Variants in MAP6 observed in about 807,000 individuals in gnomAD.
MAP6 encodes the protein microtubule associated protein 6.
MAP6 carries 26 observed loss-of-function variants against 42.4 expected under a neutral mutation model. That is an observed-to-expected ratio of 0.61 (90% confidence interval 0.45 to 0.85). The LOEUF is 0.85. Among genes scored for constraint, MAP6 ranks in the 40% least tolerant of loss-of-function variants. The pLI is 0.00. For missense variants in MAP6, 966 were observed against 1,099.0 expected, an observed-to-expected ratio of 0.88 and a Z score of 1.71; for synonymous variants, 418 against 443.8, an observed-to-expected ratio of 0.94 and a Z score of 0.73.
intron 2 of MAP6, among the ~76,000 whole-genome samples, 192 bp from the exon 3 acceptor site, chr11:75,606,196 G>A (rs189110767): frequency 8.5e-5 from 13 of 152,284 alleles, no homozygotes; most frequent in Admixed American, 5.9e-4. Flanking sequence ...TCCCTGTTCC[G>A]TCACTTTGGC....
chr11:75,598,390 G>A lies in MAP6; in HGVS notation c.1316+7418C>T, dbSNP rs375619315. 3.3e-5 allele frequency among the ~76,000 whole-genome samples: 5 copies of A among 152,184 alleles called. No homozygotes were observed. In the East Asian group the frequency reaches 5.8e-4, roughly 18 times the overall value. ...CCTAGAGTTAGGAGCCCTGAACTGAGCAGGGAGTGAGATTGGCCAACCTCT... is the reference window on the plus strand; with the variant it reads ...CCTAGAGTTAGGAGCCCTGAACTGAACAGGGAGTGAGATTGGCCAACCTCT... On this transcript the variant is annotated intron_variant, in intron 3 of 3. Transcript: ENST00000304771.
chr11:75,645,900 G>A (rs1325768588), intron 1 of MAP6, among the ~76,000 whole-genome samples: 2 of 151,808 alleles, frequency 1.3e-5, no homozygotes, highest in Non-Finnish European at 2.9e-5. Flanking sequence ...GTTTAAAGAC[G>A]AGGAGGATAT....
intron 1 of MAP6, among the ~76,000 whole-genome samples, chr11:75,657,148 G>C (rs111304044): frequency 1.3e-3 from 186 of 140,454 alleles, no homozygotes; most frequent in African/African-American, 4.3e-3. Context: ...GTCTCGCTCT[G>C]TCGCCAGGCT....
intron 2 of MAP6, among the ~76,000 whole-genome samples, chr11:75,606,674 T>A (rs1008781355): frequency 1.3e-5 from 2 of 152,220 alleles, no homozygotes; most frequent in African/African-American, 4.8e-5. Flanking sequence ...CTCGCTGAGA[T>A]GCTTTGGGCA....
intron 3 of MAP6, chr11:75,603,578 G>T: frequency 1.1e-6 from 1 of 911,150 alleles, no homozygotes; most frequent in Non-Finnish European, 1.3e-6. Context: ...TAGGAAGTTG[G>T]TCCCTGGGGC....
chr11:75,640,583 A>C (rs1279024818), intron 1 of MAP6, among the ~76,000 whole-genome samples: 1 of 152,228 alleles, frequency 6.6e-6, no homozygotes, highest in South Asian at 2.1e-4. Flanking sequence ...CAATCTACTC[A>C]TCTGACAAAG....
At chr11:75,654,825 AC>A (rs1388109414) in intron 1 of MAP6, among the ~76,000 whole-genome samples, 1 of 152,156 alleles carries the variant, frequency 6.6e-6, no homozygotes, top group Non-Finnish European at 1.5e-5. Flanking sequence ...AAAAATAAAG[AC>A]TTTCCCAAGG....
chr11:75,660,622 C>T (rs1457163254), intron 1 of MAP6, among the ~76,000 whole-genome samples: 1 of 152,172 alleles, frequency 6.6e-6, no homozygotes, highest in African/African-American at 2.4e-5. Context: ...AAGGCTTTGT[C>T]ATTTTCTCCA....
intron 1 of MAP6, among the ~76,000 whole-genome samples, chr11:75,634,198 A>T (rs528388145): frequency 7.9e-4 from 120 of 152,380 alleles, no homozygotes; most frequent in Non-Finnish European, 1.5e-3. Context: ...GAGCGTTAAG[A>T]GCACATAAAT....
Position 75,667,834 on chromosome 11 carries a change from T to G in MAP6, c.536A>C (p.Gln179Pro), listed in dbSNP as rs752629392. The G allele has an allele frequency of 7.2e-7, 1 of 1,384,248 alleles. No homozygotes were observed. The highest frequency in any genetic ancestry group is 1.5e-5 in the African/African-American group (1 of 66,622). 85.7% of individuals were successfully genotyped at this position (1,384,248 alleles called of 1,614,324 possible). A position where few individuals can be genotyped will look rare whatever the true frequency, so the allele number is the denominator to read the frequency against. ...CGACGCCTGGGAGGCCGCAGAGATCTGCACGGGCTTGGGGATCCACGGGTG... is the reference window on the plus strand; with the variant it reads ...CGACGCCTGGGAGGCCGCAGAGATCGGCACGGGCTTGGGGATCCACGGGTG... ...GDHPWIPKPV[Q>P]ISAASQASAP... is the part of the protein sequence containing the mutation. Residue 179 changes from glutamine (Q) to proline (P), a missense_variant, in exon 1 of 4, where the codon CAG (glutamine) becomes CCG (proline). By Grantham distance (76) the Gln-to-Pro change is moderately conservative. Around this residue, in one of 2 missense-constraint regions of MAP6, gnomAD observed 943 missense variants for 1,049.9 expected, o/e 0.90. Transcript: ENST00000304771. The surrounding 1 kb of genome is among the most constrained non-coding windows in gnomAD (Gnocchi z 5.6).
chr11:75,640,811 G>A (rs1293130534), intron 1 of MAP6, among the ~76,000 whole-genome samples: 10 of 152,114 alleles, frequency 6.6e-5, no homozygotes, highest in Non-Finnish European at 1.0e-4. Flanking sequence ...TTAGAATGGC[G>A]ATCATTAAAA....
At chr11:75,636,355 A>G (rs570087919) in intron 1 of MAP6, among the ~76,000 whole-genome samples, 4 of 151,906 alleles carry the variant, frequency 2.6e-5, no homozygotes, top group African/African-American at 9.7e-5. Flanking sequence ...ACTTGAAATA[A>G]TCTCTTCCTC....
intron 1 of MAP6, among the ~76,000 whole-genome samples, chr11:75,638,203 G>A (rs1335942353): frequency 6.6e-6 from 1 of 152,140 alleles, no homozygotes; most frequent in East Asian, 1.9e-4. Context: ...CAATCCTGGT[G>A]GCTGTTACCA....
Position 75,605,993 on chromosome 11 carries a change from A to T in MAP6, c.1131T>A (p.Pro377=). The stretch of plus-strand genomic sequence containing the variant: ...TTTTTGGTTTGGAACTCTGAACACT[A>T]GGTTTTTCCACCTGTACGGAGAGAC... ...PFKEPPKVEK[P]SVQSSKPKKT... is the part of the protein sequence containing the mutation. Residue 377 remains proline (P), a synonymous_variant, in exon 3 of 4, where the codon CCT becomes CCA. Transcript: ENST00000304771. 6.2e-7 allele frequency: 1 copy of T among 1,613,770 alleles called. No homozygotes were observed.
intron 1 of MAP6, among the ~76,000 whole-genome samples, chr11:75,621,841 G>C (rs547554711): frequency 6.6e-6 from 1 of 152,098 alleles, no homozygotes; most frequent in South Asian, 2.1e-4. Context: ...TGGCCAACAC[G>C]GGGAAACCTC....
chr11:75,587,944 G>C lies in MAP6; in HGVS notation c.1557C>G (p.Ser519Arg), dbSNP rs766616974. The change falls in exon 4 of 4, where the codon AGC becomes AGG. Residue 519 changes from serine to arginine, a missense_variant. This residue lies in a region of MAP6 where 943 missense variants were observed against 1,049.9 expected (regional missense o/e 0.90). Transcript: ENST00000304771. ...CCTTGACTGGTGCTGAGATAACAGG[G>C]CTTTCATTCTTTAAAGGCTCAGGGA... ...HTVPEPLKNE[S>R]PVISAPVKDQ... The C allele has an allele frequency of 1.9e-6, 3 of 1,614,034 alleles. No homozygotes were observed. The highest frequency in any genetic ancestry group is 2.5e-6 in the Non-Finnish European group (3 of 1,180,002).
intron 3 of MAP6, among the ~76,000 whole-genome samples, chr11:75,598,090 C>T (rs1281455643): frequency 6.6e-6 from 1 of 152,166 alleles, no homozygotes. Context: ...ACCTGCTATC[C>T]TGAACTCTGA....
chr11:75,640,940 T>C (rs1300442106), intron 1 of MAP6, among the ~76,000 whole-genome samples: 1 of 152,086 alleles, frequency 6.6e-6, no homozygotes, highest in African/African-American at 2.4e-5. Flanking sequence ...TCCTCAGGGA[T>C]CTAGAACTAG....
chr11:75,611,557 G>A (rs1474589422), intron 1 of MAP6, among the ~76,000 whole-genome samples: 1 of 152,174 alleles, frequency 6.6e-6, no homozygotes, highest in Non-Finnish European at 1.5e-5. Context: ...AGATGGTTAG[G>A]TTTAAGCCCA....
Sources: gnomAD v4.1 joint callset for allele counts (sites outside exome capture counted in the v4.1 genomes callset) on GRCh38, gnomAD v4.1.1 for gene constraint, gnomAD v4.1.1 regional missense constraint, Gnocchi (gnomAD v3.1) non-coding constraint, MANE v1.5 for transcripts, NCBI Gene and HGNC (gene_info 2026-07-23, HGNC 2026-07-21) for gene names.